NGEF: variants seen among roughly 807,000 people sequenced by gnomAD.
NGEF encodes neuronal guanine nucleotide exchange factor, also known as ephexin-1.
Under a neutral mutation model 80.9 loss-of-function variants are expected in NGEF, and 31 were observed. That is an observed-to-expected ratio of 0.38 (90% CI 0.29 to 0.52). NGEF has a LOEUF of 0.52. Among genes scored for constraint, NGEF ranks in the 20% least tolerant of loss-of-function variants. The pLI is 0.84. For missense variants in NGEF, 709 were observed against 926.2 expected (o/e 0.77, Z 3.04); for synonymous variants, 371 against 370.2 (o/e 1.00, Z -0.03).
At chr2:232,918,228 G>T (rs1183668601) in intron 5 of NGEF, among the ~76,000 whole-genome samples, 1 of 152,192 alleles carries the variant, frequency 6.6e-6, no homozygotes, top group Non-Finnish European at 1.5e-5. Flanking sequence ...AAAGTGCTGA[G>T]ATTACAGGCA....
Position 232,883,477 on chromosome 2 carries a change from G to A in NGEF, c.1602-11C>T. ...ACCTGGTACTTGTCTCTGGAGATCA[G>A]GGAGAAGGGCAGGCGTGTCAGCCCC... On this transcript the variant is annotated splice_polypyrimidine_tract_variant and intron_variant, in intron 11 of 14. Coordinates refer to ENST00000264051, the MANE Select transcript of NGEF (RefSeq NM_019850.3). The A allele has an allele frequency of 6.3e-7, 1 of 1,580,014 alleles. No individual in the cohort carries two copies. The highest frequency in any genetic ancestry group is 8.6e-7 in the Non-Finnish European group (1 of 1,162,336).
intron 14 of NGEF, among the ~76,000 whole-genome samples, chr2:232,880,491 G>A (rs574139468): frequency 3.3e-5 from 5 of 152,354 alleles, no homozygotes; most frequent in South Asian, 2.1e-4. Flanking sequence ...TCCCCTGGAG[G>A]TCACAGCCTG....
intron 11 of NGEF, 25 bp from the exon 12 acceptor site, chr2:232,883,491 C>A (rs533705650): frequency 6.4e-7 from 1 of 1,554,152 alleles, no homozygotes; most frequent in South Asian, 1.2e-5. Flanking sequence ...GAAGGGCAGG[C>A]GTGTCAGCCC....
chr2:232,956,990 G>A (rs1051496020), intron 3 of NGEF, among the ~76,000 whole-genome samples: 5 of 151,892 alleles, frequency 3.3e-5, no homozygotes. Context: ...AAAAGATTTG[G>A]CATTAAGAAT....
chr2:232,887,926 C>G (rs1331852918), intron 9 of NGEF, 107 bp downstream of exon 9: 1 of 843,990 alleles, frequency 1.2e-6, no homozygotes, highest in Non-Finnish European at 2.0e-6. Flanking sequence ...AATAAATTTG[C>G]ATATTCTAAA....
chr2:232,994,967 T>C (rs553016044), intron 1 of NGEF, among the ~76,000 whole-genome samples: 4 of 113,580 alleles, frequency 3.5e-5, no homozygotes, highest in Non-Finnish European at 5.8e-5. Context: ...ATATGTATTA[T>C]ATGTACATAT....
intron 5 of NGEF, among the ~76,000 whole-genome samples, chr2:232,907,091 T>C (rs1467049047): frequency 1.3e-5 from 2 of 149,186 alleles, no homozygotes; most frequent in African/African-American, 5.0e-5. Flanking sequence ...TCTGCTGACC[T>C]TCCCTCCACT....
At chr2:232,956,542 C>A (rs746468236) in intron 3 of NGEF, among the ~76,000 whole-genome samples, 2 of 152,004 alleles carry the variant, frequency 1.3e-5, no homozygotes, top group East Asian at 3.9e-4. Flanking sequence ...CCGAGGTGGG[C>A]GGATACCTGA....
chr2:232,949,020 A>G (rs1693621104), intron 3 of NGEF, among the ~76,000 whole-genome samples: 1 of 138,618 alleles, frequency 7.2e-6, no homozygotes, highest in Non-Finnish European at 1.6e-5. Flanking sequence ...TGCGTCTCAA[A>G]AAAACCCCCC....
chr2:232,928,139 C>G lies in NGEF; in HGVS notation c.384-953G>C, dbSNP rs1444757963. On this transcript the variant is annotated intron_variant, in intron 3 of 14. Coordinates refer to ENST00000264051, the MANE Select transcript of NGEF (RefSeq NM_019850.3). ...CCGGAGCTGCAGCCGCCGCCGCCAC[C>G]GCTGCCGAGCACTCCCGCGGGCGGG... 1.3e-5 allele frequency: 13 copies of G among 991,782 alleles called. No individual in the cohort carries two copies. In the African/African-American group the frequency reaches 2.1e-4, roughly 16 times the overall value. The allele number at this position is 991,782 out of a possible 1,614,324, so 61.4% of individuals were successfully genotyped here. A position where few individuals can be genotyped will look rare whatever the true frequency, so the allele number is the denominator to read the frequency against.
At chr2:232,900,711 C>T (rs1316626922) in intron 5 of NGEF, among the ~76,000 whole-genome samples, 1 of 144,906 alleles carries the variant, frequency 6.9e-6, no homozygotes. Flanking sequence ...CTCACATTCA[C>T]ACACACGCTC....
Position 232,911,596 on chromosome 2 carries a change from G to A in NGEF, c.828+8688C>T, listed in dbSNP as rs533603325. ...TGGAATGTATAGATAAATATGGGAA[G>A]AGAATTAACATCTTTACTATATTGA... On this transcript the variant is annotated intron_variant, in intron 5 of 14. Transcript: ENST00000264051. 2.8e-4 allele frequency among the ~76,000 whole-genome samples: 43 copies of A among 152,308 alleles called. 1 individual carries two copies. In the South Asian group the frequency reaches 5.0e-3, roughly 18 times the overall value.
At chr2:232,885,019 C>T (rs986865053) in intron 10 of NGEF, 1 of 478,170 alleles carries the variant, frequency 2.1e-6, no homozygotes, top group Non-Finnish European at 3.8e-6. Flanking sequence ...GCAGGGTCCA[C>T]ACCCTGCGTG....
At chr2:232,922,558 C>T (rs1437651789) in intron 4 of NGEF, among the ~76,000 whole-genome samples, 1 of 152,184 alleles carries the variant, frequency 6.6e-6, no homozygotes, top group African/African-American at 2.4e-5. Flanking sequence ...AAAGACAGGT[C>T]CGACGTCACC....
chr2:232,932,167 T>C lies in NGEF; in HGVS notation c.384-4981A>G, dbSNP rs200393630. Among the ~76,000 whole-genome samples, 47 of 145,474 alleles carry C rather than the reference T, an allele frequency of 3.2e-4. 1 individual carries two copies. Among genetic ancestry groups the C allele is most frequent in the South Asian group, 3.1e-3 (14 of 4,534 alleles). ...GTTCTCTCCAGAATCACCTTTCTTT[T>C]TTTTTTTTTTTTTTTGAGACAGAAT... On this transcript the variant is annotated intron_variant, in intron 3 of 14. Transcript: ENST00000264051.
intron 5 of NGEF, among the ~76,000 whole-genome samples, chr2:232,914,543 A>G (rs1328042339): frequency 6.6e-6 from 1 of 151,856 alleles, no homozygotes; most frequent in Non-Finnish European, 1.5e-5. Context: ...TCTCTACCAA[A>G]AATAGAAAAA....
intron 1 of NGEF, among the ~76,000 whole-genome samples, chr2:232,992,910 C>G (rs1478445434): frequency 6.7e-6 from 1 of 149,888 alleles, no homozygotes; most frequent in Non-Finnish European, 1.5e-5. Context: ...TGGCTTCAAC[C>G]CAGGAGGCAG....
intron 13 of NGEF, 57 bp from the exon 14 acceptor site, chr2:232,881,307 CCCA>C: frequency 7.3e-7 from 1 of 1,362,824 alleles, no homozygotes; most frequent in East Asian, 2.3e-5. Flanking sequence ...CCTGCACACT[CCCA>C]CCAAGCCCGC....
chr2:232,943,645 G>A (rs539656797), intron 3 of NGEF, among the ~76,000 whole-genome samples: 51 of 151,546 alleles, frequency 3.4e-4, no homozygotes, highest in South Asian at 1.7e-3. Context: ...ACAGGCGCCC[G>A]CCACTAGACC....
Sources: gnomAD v4.1 joint callset for allele counts (sites outside exome capture counted in the v4.1 genomes callset) on GRCh38, gnomAD v4.1.1 for gene constraint, MANE v1.5 for transcripts, NCBI Gene and HGNC (gene_info 2026-07-23, HGNC 2026-07-21) for gene names.